PDK3: variants seen among roughly 807,000 people sequenced by gnomAD.
PDK3 encodes the protein pyruvate dehydrogenase kinase, isozyme 3.
In PDK3, 12 loss-of-function variants were observed where a neutral mutation model predicts 32.0. That is an observed-to-expected ratio of 0.37 (90% CI 0.24 to 0.61). PDK3 has a LOEUF of 0.61. Among genes scored for constraint, PDK3 ranks in the 20% least tolerant of loss-of-function variants. The pLI is 0.65. For missense variants in PDK3, 188 were observed against 316.9 expected (o/e 0.59, Z 3.09); for synonymous variants, 122 against 116.3 (o/e 1.05, Z -0.31).
rs554072376 is a variant in PDK3, at chrX:24,544,277, C to T, written c.*5113C>T. On this transcript the variant is annotated 3_prime_UTR_variant, in exon 12 of 12. Transcript: ENST00000568479. ...CCCATTGGGAGACAGATCCTCTTTG[C>T]ATTTCCCCATTCCCACTAGTCGTCA... Among the ~76,000 whole-genome samples, 18 of 111,146 alleles carry T rather than the reference C, an allele frequency of 1.6e-4. No individual in the cohort carries two copies. In the South Asian group the frequency reaches 7.0e-3, roughly 43 times the overall value.
chrX:24,470,213 G>A (rs779196072), intron 1 of PDK3, among the ~76,000 whole-genome samples: 1 of 111,733 alleles, frequency 8.9e-6, no homozygotes, highest in East Asian at 2.8e-4. Flanking sequence ...CCTATGCTAA[G>A]ACTAATTTAT....
At chrX:24,540,215 G>A (rs1357249026) in exon 12 of PDK3, among the ~76,000 whole-genome samples, 2 of 112,231 alleles carry the variant, frequency 1.8e-5, no homozygotes, top group South Asian at 3.7e-4. Flanking sequence ...TTGGGATAAG[G>A]AAAGAGGAAT....
In PDK3 at chrX:24,526,201, A is replaced by G; in HGVS notation, c.677A>G (p.Lys226Arg). Residue 226 changes from lysine to arginine, a missense_variant, in exon 7 of 11, where the codon AAA becomes AGA. Lys to Arg is a conservative substitution (Grantham distance 26). Transcript: ENST00000379162. ...PELEVEEFNA[K>R]APDKPIQVVY... ...ATGGTTTTGTCTCTGTTTTCAGCCAAAGCGCCAGACAAACCTATTCAGGTG... is the reference window on the plus strand; with the variant it reads ...ATGGTTTTGTCTCTGTTTTCAGCCAGAGCGCCAGACAAACCTATTCAGGTG... 8.3e-7 allele frequency: 1 copy of G among 1,202,703 alleles called. No individual in the cohort carries two copies. The highest frequency in any genetic ancestry group is 1.1e-6 in the Non-Finnish European group (1 of 887,920).
intron 1 of PDK3, among the ~76,000 whole-genome samples, chrX:24,474,866 T>C (rs1187609702): frequency 8.9e-6 from 1 of 112,414 alleles, no homozygotes; most frequent in Non-Finnish European, 1.9e-5. Flanking sequence ...TCAGAGCCTT[T>C]AGCTCTTAGA....
At chrX:24,488,287 G>GT (rs1921456384) in intron 1 of PDK3, among the ~76,000 whole-genome samples, 4 of 111,727 alleles carry the variant, frequency 3.6e-5, no homozygotes, top group African/African-American at 1.3e-4. Context: ...ATTCACCCTA[G>GT]GTCTTGGTGA....
chrX:24,518,837 GCACACACACACACACA>G lies in PDK3; in HGVS notation c.596-68_596-53del, dbSNP rs3222401. The G allele has an allele frequency of 1.8e-3, 664 of 372,840 alleles. 3 individuals carry two copies. The highest frequency in any genetic ancestry group is 0.014 in the African/African-American group (504 of 35,322). 30.7% of individuals were successfully genotyped at this position (372,840 alleles called of 1,213,427 possible). On this transcript the variant is annotated intron_variant, in intron 5 of 10. Transcript: ENST00000379162. ...CCTATAGATATATACATGCACATGT[GCACACACACACACACA>G]CACACACACACACACACACACACAC...
chrX:24,533,610 G>T (rs1922707492), intron 10 of PDK3, among the ~76,000 whole-genome samples: 1 of 111,607 alleles, frequency 9.0e-6, no homozygotes, highest in Non-Finnish European at 1.9e-5. Flanking sequence ...CTCTTCCTGG[G>T]CCCTTTGTGA....
At chrX:24,506,801 C>CTTTTTTTTTTTTTT (rs10682263) in intron 5 of PDK3, among the ~76,000 whole-genome samples, 4 of 49,505 alleles carry the variant, frequency 8.1e-5, no homozygotes, top group Non-Finnish European at 1.4e-4. Context: ...TTTTTTCTTT[C>CTTTTTTTTTTTTTT]TTTTTTTTTT....
rs763095558 is a variant in PDK3, at chrX:24,496,568, C to CTTTTTTTTTTTTTTT, written c.248+1694_248+1708dup. Among the ~76,000 whole-genome samples, 237 of 39,319 alleles carry CTTTTTTTTTTTTTTT rather than the reference C, an allele frequency of 6.0e-3. 24 individuals are homozygous for CTTTTTTTTTTTTTTT. The highest frequency in any genetic ancestry group is 0.023 in the African/African-American group (207 of 8,995). The allele number at this position is 39,319 out of a possible 115,157, so 34.1% of individuals were successfully genotyped here. A position where few individuals can be genotyped will look rare whatever the true frequency, so the allele number is the denominator to read the frequency against. The stretch of plus-strand genomic sequence containing the variant: ...CTAATTGTCCTGATACTACCCCCAT[C>CTTTTTTTTTTTTTTT]TTTTTTTTTTTTTTTTTTTTTTTGC... On this transcript the variant is annotated intron_variant, in intron 2 of 10. Coordinates refer to ENST00000379162, the MANE Select transcript of PDK3 (RefSeq NM_005391.5).
At chrX:24,509,866 G>T (rs1023436916) in intron 5 of PDK3, among the ~76,000 whole-genome samples, 2 of 111,777 alleles carry the variant, frequency 1.8e-5, no homozygotes, top group Admixed American at 1.9e-4. Flanking sequence ...CTTACTAAGG[G>T]TCACTTATTT....
chrX:24,499,131 T>G (rs1921790364), intron 3 of PDK3: 1 of 244,109 alleles, frequency 4.1e-6, no homozygotes, highest in Admixed American at 7.1e-5. Flanking sequence ...ATCTAATACT[T>G]AATACCTTTA....
chrX:24,480,072 A>G (rs1219499319), intron 1 of PDK3, among the ~76,000 whole-genome samples: 4 of 111,424 alleles, frequency 3.6e-5, no homozygotes, highest in Non-Finnish European at 7.5e-5. Flanking sequence ...GAGCAAAACA[A>G]ACTGGAGGAA....
At chrX:24,512,227 A>G (rs774521013) in intron 5 of PDK3, among the ~76,000 whole-genome samples, 1 of 112,105 alleles carries the variant, frequency 8.9e-6, no homozygotes, top group East Asian at 2.8e-4. Flanking sequence ...GAAGCTAGGA[A>G]ATAAAATGGA....
At chrX:24,543,459 A>T (rs1439430828) in exon 12 of PDK3, among the ~76,000 whole-genome samples, 1 of 108,678 alleles carries the variant, frequency 9.2e-6, no homozygotes, top group Non-Finnish European at 1.9e-5. Flanking sequence ...ATTTTATTTT[A>T]TTTTTTTCAA....
chrX:24,531,063 G>A (rs896993850), intron 9 of PDK3, among the ~76,000 whole-genome samples: 1 of 109,604 alleles, frequency 9.1e-6, no homozygotes, highest in Admixed American at 9.8e-5. Context: ...GTGTGTGTGT[G>A]TGTGTGTGTG....
chrX:24,474,453 G>A (rs1290510608), intron 1 of PDK3, among the ~76,000 whole-genome samples: 4 of 106,489 alleles, frequency 3.8e-5, no homozygotes, highest in Admixed American at 3.1e-4. Context: ...TCACTCTGTC[G>A]CCCAGGCTAG....
intron 6 of PDK3, among the ~76,000 whole-genome samples, chrX:24,524,554 T>C (rs987820850): frequency 8.9e-6 from 1 of 112,268 alleles, no homozygotes; most frequent in South Asian, 3.7e-4. Context: ...ATTGCATTAA[T>C]AGGGAAGAAA....
At chrX:24,515,445 A>T (rs1190685454) in intron 5 of PDK3, among the ~76,000 whole-genome samples, 1 of 112,496 alleles carries the variant, frequency 8.9e-6, no homozygotes, top group East Asian at 2.8e-4. Context: ...TCCATGAGGA[A>T]TTAGCACATT....
At chrX:24,516,699 G>A (rs1922261928) in intron 5 of PDK3, among the ~76,000 whole-genome samples, 1 of 111,354 alleles carries the variant, frequency 9.0e-6, no homozygotes, top group Admixed American at 9.5e-5. Flanking sequence ...ACTGCTAATG[G>A]GTTCGGAACT....
Sources: allele counts gnomAD v4.1 joint callset (sites outside exome capture counted in the v4.1 genomes callset), GRCh38; gene constraint gnomAD v4.1.1; transcripts MANE v1.5; gene names NCBI Gene and HGNC (gene_info 2026-07-23, HGNC 2026-07-21).